Variants in ABCC3 observed in about 807,000 individuals in gnomAD.
ABCC3 encodes the protein ATP-binding cassette sub-family C member 3.
In ABCC3, 121 loss-of-function variants were observed where a neutral mutation model predicts 165.3. That is an observed-to-expected ratio of 0.73 (90% CI 0.63 to 0.85). ABCC3 has a LOEUF of 0.85. ABCC3 is among the 40% of genes least tolerant of loss of function. ABCC3 has a pLI of 0.00. For synonymous variants in ABCC3, 733 were observed against 810.1 expected (o/e 0.90, Z 1.62); for missense variants, 1,869 against 1,964.1 (o/e 0.95, Z 0.92).
At chr17:50,635,756 C>T (rs1466669747) in intron 1 of ABCC3, 3 of 603,516 alleles carry the variant, frequency 5.0e-6, no homozygotes, top group Non-Finnish European at 5.9e-6. Context: ...CAGTGGTTCA[C>T]GCCTGTAATC....
At chr17:50,656,654 T>C (rs374991078) in intron 2 of ABCC3, 48 bp from the exon 3 acceptor site, 37 of 1,570,714 alleles carry the variant, frequency 2.4e-5, no homozygotes, top group Non-Finnish European at 2.8e-5. Context: ...CAGTGAGGAC[T>C]GTCCTTGCCT....
intron 8 of ABCC3, 111 bp downstream of exon 8, chr17:50,661,225 G>A (rs887288497): frequency 2.0e-5 from 23 of 1,171,766 alleles, no homozygotes; most frequent in Non-Finnish European, 2.7e-5. Flanking sequence ...CAGGAACCAG[G>A]GAGGCTAGCT....
intron 3 of ABCC3, 108 bp downstream of exon 3, chr17:50,656,935 GGAA>G (rs1362119064): frequency 5.8e-6 from 9 of 1,547,182 alleles, no homozygotes; most frequent in African/African-American, 2.8e-5. Flanking sequence ...ATTGGGAATG[GGAA>G]GAAGAAGGGG....
At chr17:50,649,052 C>T (rs1485541201) in intron 1 of ABCC3, among the ~76,000 whole-genome samples, 1 of 148,884 alleles carries the variant, frequency 6.7e-6, no homozygotes, top group Non-Finnish European at 1.5e-5. Flanking sequence ...GCAGAGGTTG[C>T]AGTGAGCTGA....
chr17:50,673,409 G>A (rs1967691198), intron 18 of ABCC3, 60 bp from the exon 19 acceptor site: 3 of 1,574,220 alleles, frequency 1.9e-6, no homozygotes, highest in African/African-American at 2.7e-5. Context: ...GTGGCTCCGT[G>A]CCTGTGCCAG....
intron 1 of ABCC3, chr17:50,643,450 C>T: frequency 2.3e-6 from 1 of 442,466 alleles, no homozygotes; most frequent in East Asian, 7.0e-5. Flanking sequence ...AACTTCTGCC[C>T]ACCTGGGCCT....
chr17:50,669,589 C>T, intron 17 of ABCC3, 61 bp downstream of exon 17: 1 of 1,557,160 alleles, frequency 6.4e-7, no homozygotes, highest in Non-Finnish European at 8.8e-7. Flanking sequence ...CTCAACCCAG[C>T]CCAGGTCCAT....
chr17:50,671,702 C>CTTTTTTTTTT lies in ABCC3; in HGVS notation c.2242-1248_2242-1239dup, dbSNP rs386386244. Among the ~76,000 whole-genome samples the CTTTTTTTTTT allele has an allele frequency of 3.2e-4, 18 of 56,396 alleles. 1 individual carries two copies. Among genetic ancestry groups the CTTTTTTTTTT allele is most frequent in the Non-Finnish European group, 4.2e-4 (12 of 28,278 alleles). The allele number at this position is 56,396 out of a possible 152,430, so 37.0% of individuals were successfully genotyped here. A position where few individuals can be genotyped will look rare whatever the true frequency, so the allele number is the denominator to read the frequency against. ...AGCTCAGGTCTCTCTTCCTTCCTTC[C>CTTTTTTTTTT]TTTTTTTTTTTTTTTTTTTTTTTTT... On this transcript the variant is annotated intron_variant, in intron 17 of 30. Coordinates refer to ENST00000285238, the MANE Select transcript of ABCC3 (RefSeq NM_003786.4).
chr17:50,647,033 C>A (rs1371998298), intron 1 of ABCC3, among the ~76,000 whole-genome samples: 1 of 152,126 alleles, frequency 6.6e-6, no homozygotes, highest in Non-Finnish European at 1.5e-5. Flanking sequence ...TGCCTGCCAC[C>A]ACGCCCAGCT....
chr17:50,685,798 CT>C (rs1422962479), intron 29 of ABCC3, among the ~76,000 whole-genome samples: 1 of 152,092 alleles, frequency 6.6e-6, no homozygotes, highest in African/African-American at 2.4e-5. Flanking sequence ...AAAATGTCAG[CT>C]TTTCCCCTCC....
chr17:50,669,491 T>C lies in ABCC3; in HGVS notation c.2204T>C (p.Met735Thr). ...TGTGCCTTGCTAGCTGACCTGGAGA[T>C]GCTGCCTGGTGGGGATCAGACAGAG... Reference protein sequence around the residue: ...EACALLADLEMLPGGDQTEIG... With the variant: ...EACALLADLETLPGGDQTEIG... Residue 735 changes from methionine to threonine, a missense_variant, in exon 17 of 31, where the codon ATG becomes ACG. Met to Thr is a moderately conservative substitution (Grantham distance 81). Coordinates refer to ENST00000285238, the MANE Select transcript of ABCC3 (RefSeq NM_003786.4). 6.2e-7 allele frequency: 1 copy of C among 1,614,220 alleles called. No individual in the cohort carries two copies. The highest frequency in any genetic ancestry group is 8.5e-7 in the Non-Finnish European group (1 of 1,180,036).
chr17:50,688,894 C>T (rs568559148), intron 30 of ABCC3, among the ~76,000 whole-genome samples: 14 of 142,234 alleles, frequency 9.8e-5, no homozygotes, highest in African/African-American at 3.2e-4. Flanking sequence ...CAGAGTGAGA[C>T]GTTGTCTCAA....
intron 4 of ABCC3, 60 bp downstream of exon 4, chr17:50,657,243 G>T: frequency 1.3e-6 from 2 of 1,585,054 alleles, no homozygotes; most frequent in Non-Finnish European, 1.7e-6. Context: ...GTGACCTCAG[G>T]GTTCAAAGTC....
chr17:50,659,835 G>T lies in ABCC3; in HGVS notation c.806+467G>T, dbSNP rs190262165. Among the ~76,000 whole-genome samples the T allele has an allele frequency of 3.2e-4, 48 of 152,172 alleles. 1 individual carries two copies. The highest frequency in any genetic ancestry group is 1.1e-3 in the African/African-American group (47 of 41,514). On this transcript the variant is annotated intron_variant, in intron 7 of 30. Transcript: ENST00000285238. ...CCTTGTCTCTACAAAAAATAAACAA[G>T]ATGAGCCGGGCATGGTGGTGTGCAC...
At chr17:50,640,986 C>T (rs1182891347) in intron 1 of ABCC3, among the ~76,000 whole-genome samples, 1 of 152,130 alleles carries the variant, frequency 6.6e-6, no homozygotes, top group Non-Finnish European at 1.5e-5. Context: ...TTCTCCAGTA[C>T]CACACAGGAA....
chr17:50,686,926 C>G (rs1403283616), intron 29 of ABCC3, among the ~76,000 whole-genome samples: 3 of 152,130 alleles, frequency 2.0e-5, no homozygotes. Flanking sequence ...GGGAACACAG[C>G]CTCGTTTTGT....
rs760551230 is a variant in ABCC3, at chr17:50,673,621, C to T, written c.2562C>T (p.Pro854=). ...SFANFLCNYA[P]DEDQGHLEDS... ...CCAACTTTCTCTGCAACTATGCCCCCGATGAGGACCAAGGGCACCTGGAGG... is the reference window on the plus strand; with the variant it reads ...CCAACTTTCTCTGCAACTATGCCCCTGATGAGGACCAAGGGCACCTGGAGG... Residue 854 remains proline (P), a synonymous_variant, in exon 19 of 31, where the codon CCC becomes CCT. Transcript: ENST00000285238. 9.9e-5 allele frequency: 160 copies of T among 1,614,078 alleles called. 1 individual carries two copies. Among genetic ancestry groups the T allele is most frequent in the South Asian group, 2.3e-4 (21 of 91,090 alleles).
At position 50,676,500 on chromosome 17, in the gene ABCC3, C is replaced by T; in HGVS notation, c.3290C>T (p.Ala1097Val). Residue 1097 changes from alanine to valine, a missense_variant, in exon 23 of 31, where the codon GCC becomes GTC. Ala to Val is a moderately conservative substitution (Grantham distance 64). Transcript: ENST00000285238. Reference sequence around the variant, plus strand: ...ATGCTGCTCAATTCCTTCTTCAACGCCATCTCCACTCTTGTGGTCATCATG... The same window carrying T: ...ATGCTGCTCAATTCCTTCTTCAACGTCATCTCCACTCTTGTGGTCATCATG... ...ILMLLNSFFNAISTLVVIMAS... is the reference protein window; with the variant it reads ...ILMLLNSFFNVISTLVVIMAS... 2 of 1,613,842 alleles carry T rather than the reference C, an allele frequency of 1.2e-6. No homozygotes were observed. The highest frequency in any genetic ancestry group is 1.1e-5 in the South Asian group (1 of 91,056).
chr17:50,642,219 A>G (rs564748220), intron 1 of ABCC3, among the ~76,000 whole-genome samples: 99 of 152,348 alleles, frequency 6.5e-4, no homozygotes, highest in Admixed American at 2.2e-3. Context: ...CCAAGAGCTC[A>G]GTTCTGGACG....
Sources: allele counts gnomAD v4.1 joint callset (sites outside exome capture counted in the v4.1 genomes callset), GRCh38; gene constraint gnomAD v4.1.1; transcripts MANE v1.5; gene names NCBI Gene and HGNC (gene_info 2026-07-23, HGNC 2026-07-21).